The following BNC2 variants were observed in gnomAD, a reference collection of about 807,000 sequenced individuals.
BNC2 encodes the protein basonuclin zinc finger protein 2.
Under a neutral mutation model 76.3 loss-of-function variants are expected in BNC2, and 20 were observed. The ratio of observed to expected loss-of-function variants is 0.26; its 90% CI spans 0.18 to 0.38. BNC2 has a LOEUF of 0.38. Ranked by LOEUF, BNC2 falls within the 10% of genes least tolerant of loss-of-function variation. The pLI, the probability that BNC2 is intolerant of heterozygous loss-of-function variation, is 1.00. For missense variants in BNC2, 1,382 were observed against 1,399.8 expected (o/e 0.99, Z 0.20); for synonymous variants, 582 against 514.8 (o/e 1.13, Z -1.77).
intron 3 of BNC2, among the ~76,000 whole-genome samples, chr9:16,672,115 G>T (rs1302620642): frequency 2.0e-5 from 3 of 152,194 alleles, no homozygotes; most frequent in Non-Finnish European, 2.9e-5. Flanking sequence ...AATCACAGGT[G>T]AAACAGGGAG....
chr9:16,436,645 C>T lies in BNC2; in HGVS notation c.1549G>A (p.Ala517Thr), dbSNP rs1821023763. The stretch of plus-strand genomic sequence containing the variant: ...GTACTTGCTATGACAGGGGTGGCAG[C>T]TCCTGAGGTGGCCCGAATTAAATCT... ...DKDLIRATSG[A>T]ATPVIASTKS... The change falls in exon 6 of 7, where the codon GCT becomes ACT. Residue 517 changes from alanine to threonine, a missense_variant. Coordinates refer to ENST00000380672, the MANE Select transcript of BNC2 (RefSeq NM_017637.6). 9 of 1,613,892 alleles carry T rather than the reference C, an allele frequency of 5.6e-6. No individual in the cohort carries two copies. The highest frequency in any genetic ancestry group is 7.6e-6 in the Non-Finnish European group (9 of 1,180,022).
intron 1 of BNC2, among the ~76,000 whole-genome samples, chr9:16,836,143 G>A (rs549595908): frequency 2.5e-4 from 38 of 152,272 alleles, no homozygotes; most frequent in African/African-American, 8.9e-4. Context: ...CAGCAAGACG[G>A]TCCTGCTAAT....
At chr9:16,790,714 C>G (rs1028157096) in intron 1 of BNC2, among the ~76,000 whole-genome samples, 13 of 151,902 alleles carry the variant, frequency 8.6e-5, no homozygotes, top group African/African-American at 3.1e-4. Context: ...ATCACAACCA[C>G]TTCATAACTG....
chr9:16,742,815 ATTAT>A (rs1824889333), intron 1 of BNC2, among the ~76,000 whole-genome samples: 1 of 152,202 alleles, frequency 6.6e-6, no homozygotes, highest in Non-Finnish European at 1.5e-5. Context: ...AGACTAATAA[ATTAT>A]TTATTAGGTG....
Position 16,553,513 on chromosome 9 carries a change from A to G in BNC2, c.434-748T>C, listed in dbSNP as rs1232380251. Among the ~76,000 whole-genome samples, 5 of 152,268 alleles carry G rather than the reference A, an allele frequency of 3.3e-5. No homozygotes were observed. In the East Asian group the frequency reaches 9.6e-4, roughly 29 times the overall value. On this transcript the variant is annotated intron_variant, in intron 4 of 6. Transcript: ENST00000380672. ...TAATTTTAAAAAGAAAGAAATAACA[A>G]GTCACTTTGTTAATAGCTCTAAGGG...
intron 2 of BNC2, among the ~76,000 whole-genome samples, chr9:16,734,062 T>A (rs777217228): frequency 1.3e-5 from 2 of 152,162 alleles, no homozygotes; most frequent in Non-Finnish European, 2.9e-5. Flanking sequence ...ACTAGTTGGA[T>A]CCCTGTATTT....
chr9:16,808,777 T>C (rs1035429610), intron 1 of BNC2, among the ~76,000 whole-genome samples: 8 of 151,936 alleles, frequency 5.3e-5, no homozygotes, highest in Non-Finnish European at 1.2e-4. Context: ...ATCTAAAACC[T>C]GGGTAGCAAA....
intron 2 of BNC2, chr9:16,728,219 G>A (rs2134995774): frequency 3.3e-6 from 2 of 614,666 alleles, no homozygotes; most frequent in East Asian, 5.7e-5. Context: ...ACAGCTGCCT[G>A]TCAGGTGTGC....
chr9:16,848,175 C>T (rs891961647), intron 1 of BNC2, among the ~76,000 whole-genome samples: 1 of 152,052 alleles, frequency 6.6e-6, no homozygotes, highest in Non-Finnish European at 1.5e-5. Context: ...AACCTAAAAA[C>T]AAATTTTAAG....
rs1818136601 is a variant in BNC2, at chr9:16,536,574, T to C, written c.669+15956A>G. Among the ~76,000 whole-genome samples, 2 of 152,240 alleles carry C rather than the reference T, an allele frequency of 1.3e-5. 1 individual carries two copies. The highest frequency in any genetic ancestry group is 1.3e-4 in the Admixed American group (2 of 15,294). ...GCCTGTTTGACATGGAGAAAAAAAATTCCCCTTCTCCTTCAGTCTTGTATT... is the reference window on the plus strand; with the variant it reads ...GCCTGTTTGACATGGAGAAAAAAAACTCCCCTTCTCCTTCAGTCTTGTATT... On this transcript the variant is annotated intron_variant, in intron 5 of 6. Transcript: ENST00000380672.
intron 3 of BNC2, among the ~76,000 whole-genome samples, chr9:16,638,950 T>A (rs1237540079): frequency 6.6e-6 from 1 of 152,168 alleles, no homozygotes; most frequent in East Asian, 1.9e-4. Context: ...AAAGTAATAA[T>A]GTCTAGCATA....
chr9:16,648,516 G>A (rs1319735853), intron 3 of BNC2, among the ~76,000 whole-genome samples: 2 of 152,218 alleles, frequency 1.3e-5, no homozygotes, highest in Non-Finnish European at 2.9e-5. Context: ...TGGCTTCCTC[G>A]AAGACTAAGG....
At chr9:16,420,686 C>T (rs1820691592) in intron 6 of BNC2, among the ~76,000 whole-genome samples, 1 of 147,504 alleles carries the variant, frequency 6.8e-6, no homozygotes, top group Admixed American at 7.0e-5. Context: ...TATATACATA[C>T]ACATATACAT....
At chr9:16,801,930 A>T (rs917386341) in intron 1 of BNC2, among the ~76,000 whole-genome samples, 2 of 152,132 alleles carry the variant, frequency 1.3e-5, no homozygotes, top group Non-Finnish European at 2.9e-5. Flanking sequence ...ACAGCCCATA[A>T]AAGTTTTTCC....
At chr9:16,584,661 T>A (rs1819721514) in intron 3 of BNC2, among the ~76,000 whole-genome samples, 1 of 152,174 alleles carries the variant, frequency 6.6e-6, no homozygotes, top group Non-Finnish European at 1.5e-5. Context: ...TAGAAGTGAT[T>A]AATTTGTAGA....
intron 3 of BNC2, among the ~76,000 whole-genome samples, chr9:16,690,397 A>G (rs1033680076): frequency 6.6e-6 from 1 of 152,110 alleles, no homozygotes; most frequent in Non-Finnish European, 1.5e-5. Context: ...TTCAAAGTTA[A>G]AAGGAGCCGT....
intron 1 of BNC2, among the ~76,000 whole-genome samples, chr9:16,738,917 A>G (rs1026823700): frequency 6.6e-6 from 1 of 151,206 alleles, no homozygotes; most frequent in African/African-American, 2.4e-5. Context: ...CAAGTTTACA[A>G]TCTAGTACAG....
chr9:16,698,459 G>C (rs1424479018), intron 3 of BNC2, among the ~76,000 whole-genome samples: 1 of 152,224 alleles, frequency 6.6e-6, no homozygotes, highest in Non-Finnish European at 1.5e-5. Flanking sequence ...GGGAAGCTGA[G>C]GCGGGAGGAT....
intron 5 of BNC2, among the ~76,000 whole-genome samples, chr9:16,484,324 A>T (rs1419904443): frequency 6.6e-6 from 1 of 152,182 alleles, no homozygotes; most frequent in African/African-American, 2.4e-5. Context: ...ACAGCCAGAG[A>T]GTGCTCGAGG....
Sources: allele counts gnomAD v4.1 joint callset (sites outside exome capture counted in the v4.1 genomes callset), GRCh38; gene constraint gnomAD v4.1.1; transcripts MANE v1.5; gene names NCBI Gene and HGNC (gene_info 2026-07-23, HGNC 2026-07-21).